The following CTNND1 variants were observed in gnomAD, a reference collection of about 807,000 sequenced individuals.
CTNND1 encodes the protein catenin delta 1.
In CTNND1, 16 loss-of-function variants were observed where a neutral mutation model predicts 112.1. That is an observed-to-expected ratio of 0.14 (90% CI 0.10 to 0.22). CTNND1 has a LOEUF of 0.22. Among genes scored for constraint, CTNND1 ranks in the 10% least tolerant of loss-of-function variants. The pLI is 1.00. For missense variants in CTNND1, 1,008 were observed against 1,257.0 expected, an observed-to-expected ratio of 0.80 and a Z score of 3.00; for synonymous variants, 420 against 446.5, an observed-to-expected ratio of 0.94 and a Z score of 0.75.
intron 11 of CTNND1, chr11:57,806,689 A>G (rs1193259663): frequency 1.6e-6 from 1 of 633,362 alleles, no homozygotes; most frequent in African/African-American, 1.8e-5. Flanking sequence ...ACTCAGGACA[A>G]TAGCATCAAC....
chr11:57,796,872 C>T lies in CTNND1; in HGVS notation c.836C>T (p.Pro279Leu). Residue 279 changes from proline to leucine, a missense_variant, in exon 6 of 21, where the codon CCT (proline) becomes CTT (leucine). Physicochemically the swap from Pro to Leu is moderately conservative, Grantham distance 98. Transcript: ENST00000399050. ...GATCTGCATCGCTTTCATCCAGAGC[C>T]TTATGGGCTAGAGGATGACCAGCGT... ...SVDLHRFHPE[P>L]YGLEDDQRSM... is the part of the protein sequence containing the mutation. 1.2e-6 allele frequency: 2 copies of T among 1,610,812 alleles called. No homozygotes were observed.
At chr11:57,763,632 T>C (rs1184130828) in intron 1 of CTNND1, among the ~76,000 whole-genome samples, 1 of 152,204 alleles carries the variant, frequency 6.6e-6, no homozygotes, top group African/African-American at 2.4e-5. Flanking sequence ...AAATACAATG[T>C]GTATAGGCTG....
intron 19 of CTNND1, 166 bp from the exon 20 acceptor site, chr11:57,815,749 A>C: frequency 1.3e-6 from 1 of 767,524 alleles, no homozygotes; most frequent in East Asian, 2.5e-5. Flanking sequence ...CTACTTTCAA[A>C]CATTACCTTT....
chr11:57,771,364 G>A (rs904458233), intron 1 of CTNND1, among the ~76,000 whole-genome samples: 3 of 152,154 alleles, frequency 2.0e-5, no homozygotes, highest in Non-Finnish European at 2.9e-5. Flanking sequence ...TGAGAAAAAA[G>A]TAAAGTAGAA....
In CTNND1 at chr11:57,819,091, C is replaced by T. The variant is rs1453118451; in HGVS notation, c.*2783C>T. 1 of 151,978 alleles carries T rather than the reference C, an allele frequency of 6.6e-6. No homozygotes were observed. Among genetic ancestry groups the T allele is most frequent in the African/African-American group, 2.4e-5 (1 of 41,394 alleles). 9.4% of individuals were successfully genotyped at this position (151,978 alleles called of 1,614,324 possible). ...CTTATTTTTCTGAGGTCCTTATGTC[C>T]TGTCATATAATTAAAGACTCAAGAG... On this transcript the variant is annotated 3_prime_UTR_variant, in exon 21 of 21. Coordinates refer to ENST00000399050, the MANE Select transcript of CTNND1 (RefSeq NM_001085458.2).
rs1402475104 is a variant in CTNND1 at position 57,783,658 on chromosome 11, C to CA, written c.-213-5375dup. 9.7e-3 allele frequency among the ~76,000 whole-genome samples: 1,016 copies of CA among 105,094 alleles called. 15 individuals carry two copies. The highest frequency in any genetic ancestry group is 0.031 in the African/African-American group (876 of 28,060). The allele number at this position is 105,094 out of a possible 152,430, so 68.9% of individuals were successfully genotyped here. A position where few individuals can be genotyped will look rare whatever the true frequency, so the allele number is the denominator to read the frequency against. ...TGGGTGACAGAGCGAGACTCCATCTCAAAATAAAAAAAAAGCCATAGAAAA... is the reference window on the plus strand; with the variant it reads ...TGGGTGACAGAGCGAGACTCCATCTCAAAAATAAAAAAAAAGCCATAGAAAA... On this transcript the variant is annotated intron_variant, in intron 1 of 20. Coordinates refer to ENST00000399050, the MANE Select transcript of CTNND1 (RefSeq NM_001085458.2).
rs1240040666 is a variant in CTNND1 at position 57,819,088 on chromosome 11, G to T, written c.*2780G>T. 1.3e-5 allele frequency: 2 copies of T among 152,088 alleles called. No homozygotes were observed. The highest frequency in any genetic ancestry group is 2.9e-5 in the Non-Finnish European group (2 of 68,000). 9.4% of individuals were successfully genotyped at this position (152,088 alleles called of 1,614,324 possible). A position where few individuals can be genotyped will look rare whatever the true frequency, so the allele number is the denominator to read the frequency against. On this transcript the variant is annotated 3_prime_UTR_variant, in exon 21 of 21. Coordinates refer to ENST00000399050, the MANE Select transcript of CTNND1 (RefSeq NM_001085458.2). The stretch of plus-strand genomic sequence containing the variant: ...ATACTTATTTTTCTGAGGTCCTTAT[G>T]TCCTGTCATATAATTAAAGACTCAA...
intron 1 of CTNND1, among the ~76,000 whole-genome samples, chr11:57,784,160 G>T (rs2136402453): frequency 6.6e-6 from 1 of 151,828 alleles, no homozygotes; most frequent in Non-Finnish European, 1.5e-5. Flanking sequence ...GGGCTCAAGT[G>T]ATCTGCCCAC....
Position 57,802,091 on chromosome 11 carries a change from C to T in CTNND1, c.1315C>T (p.Arg439Cys), listed in dbSNP as rs371034991. 2.6e-5 allele frequency: 42 copies of T among 1,614,002 alleles called. No homozygotes were observed. Among genetic ancestry groups the T allele is most frequent in the East Asian group, 1.6e-4 (7 of 44,882 alleles). Residue 439 changes from arginine (R) to cysteine (C), a missense_variant, in exon 7 of 21, where the codon CGT (arginine) becomes TGT (cysteine). By Grantham distance (180) the Arg-to-Cys change is radical. This residue lies in a region of CTNND1 where 216 missense variants were observed against 342.8 expected (regional missense o/e 0.63). Coordinates refer to ENST00000399050, the MANE Select transcript of CTNND1 (RefSeq NM_001085458.2). ...CGALKNISFGRDQDNKIAIKN... is the reference protein window; with the variant it reads ...CGALKNISFGCDQDNKIAIKN... ...AGCTCTCAAGAATATCTCTTTTGGA[C>T]GTGACCAGGATAACAAGATTGCCAT... is the stretch of plus-strand genomic sequence containing the variant.
rs2136557753 is a variant in CTNND1, at chr11:57,788,622, A to G, written c.-213-415A>G. ...CACACAACTTTTGCATTGGTTTCTC[A>G]ATGTCTTTGTGGGCATGCTGGGACT... On this transcript the variant is annotated intron_variant, in intron 1 of 20. Transcript: ENST00000399050. This position sits in a 1 kb window ranked among gnomAD's most constrained non-coding sequence, Gnocchi z 4.1. Among the ~76,000 whole-genome samples the G allele has an allele frequency of 6.6e-6, 1 of 152,106 alleles. No individual in the cohort carries two copies. The highest frequency in any genetic ancestry group is 3.4e-3 in the Middle Eastern group (1 of 294).
At chr11:57,804,144 TG>T (rs1378691738) in intron 8 of CTNND1, among the ~76,000 whole-genome samples, 1 of 152,208 alleles carries the variant, frequency 6.6e-6, no homozygotes, top group African/African-American at 2.4e-5. Context: ...CCTAGTTATT[TG>T]TATTTCAAGT....
chr11:57,798,029 A>G (rs2061554702), intron 6 of CTNND1, among the ~76,000 whole-genome samples: 1 of 151,510 alleles, frequency 6.6e-6, no homozygotes, highest in Admixed American at 6.6e-5. Flanking sequence ...CTTCCTGGGA[A>G]TTTCTTTAGT....
intron 11 of CTNND1, 37 bp from the exon 12 acceptor site, chr11:57,806,878 G>T (rs1424776023): frequency 1.3e-6 from 2 of 1,519,250 alleles, no homozygotes; most frequent in Non-Finnish European, 1.8e-6. Context: ...TTTTTAAACT[G>T]GCTTACCCCT....
At chr11:57,769,277 A>T (rs977763004) in intron 1 of CTNND1, among the ~76,000 whole-genome samples, 21 of 151,840 alleles carry the variant, frequency 1.4e-4, no homozygotes, top group Admixed American at 3.9e-4. Context: ...AGCCGATATC[A>T]TGTCATTGCA....
chr11:57,785,326 T>A (rs192725653), intron 1 of CTNND1, among the ~76,000 whole-genome samples: 6 of 152,324 alleles, frequency 3.9e-5, no homozygotes, highest in African/African-American at 1.2e-4. Context: ...CTGTGTATTT[T>A]TATTCCTCCA....
At chr11:57,778,920 T>TC (rs1256651853) in intron 1 of CTNND1, among the ~76,000 whole-genome samples, 2 of 152,188 alleles carry the variant, frequency 1.3e-5, no homozygotes, top group East Asian at 3.9e-4. Flanking sequence ...ATCTAGCTAC[T>TC]CCGAGGGATT....
At chr11:57,762,887 T>C (rs1410256887) in intron 1 of CTNND1, among the ~76,000 whole-genome samples, 1 of 152,250 alleles carries the variant, frequency 6.6e-6, no homozygotes, top group Non-Finnish European at 1.5e-5. Flanking sequence ...ATCATGCTTT[T>C]TATTTCACCT....
chr11:57,781,304 G>A (rs971538863), intron 1 of CTNND1, among the ~76,000 whole-genome samples: 1 of 152,168 alleles, frequency 6.6e-6, no homozygotes, highest in Admixed American at 6.5e-5. Context: ...AAACTCTAAG[G>A]TTAAGCTTTT....
intron 18 of CTNND1, 72 bp from the exon 19 acceptor site, chr11:57,815,322 C>A: frequency 1.2e-6 from 1 of 860,142 alleles, no homozygotes. Flanking sequence ...CTAATTACAC[C>A]TATCTGTTTG....
Sources: allele counts gnomAD v4.1 joint callset (sites outside exome capture counted in the v4.1 genomes callset), GRCh38; gene constraint gnomAD v4.1.1; regional missense constraint gnomAD v4.1.1; non-coding constraint Gnocchi (gnomAD v3.1); transcripts MANE v1.5; gene names NCBI Gene and HGNC (gene_info 2026-07-23, HGNC 2026-07-21).